The following NPFFR2 variants were observed in gnomAD, a reference collection of about 807,000 sequenced individuals.
NPFFR2 encodes the protein G-protein coupled receptor 74.
NPFFR2 carries 15 observed loss-of-function variants against 13.1 expected under a neutral mutation model. The ratio of observed to expected loss-of-function variants is 1.15; its 90% CI spans 0.77 to 1.76. NPFFR2 has a LOEUF of 1.76. NPFFR2 is among the 40% of genes most tolerant of loss of function. The pLI, the probability that NPFFR2 is intolerant of heterozygous loss-of-function variation, is 0.00. For synonymous variants in NPFFR2, 190 were observed against 175.7 expected (o/e 1.08, Z -0.65); for missense variants, 572 against 503.5 (o/e 1.14, Z -1.30).
intron 1 of NPFFR2, among the ~76,000 whole-genome samples, chr4:72,127,355 CTTTTCTTT>C (rs1722084503): frequency 1.1e-5 from 1 of 91,202 alleles, no homozygotes; most frequent in African/African-American, 4.6e-5. Context: ...TAAATAATTT[CTTTTCTTT>C]TTTTTTTTTT....
intron 1 of NPFFR2, among the ~76,000 whole-genome samples, chr4:72,080,191 G>A (rs1302606865): frequency 1.3e-5 from 2 of 151,016 alleles, no homozygotes; most frequent in African/African-American, 4.9e-5. Flanking sequence ...TTGAGATGGA[G>A]TCTTGCTCTG....
intron 1 of NPFFR2, among the ~76,000 whole-genome samples, chr4:72,043,213 GT>G (rs1719278686): frequency 6.6e-6 from 1 of 152,190 alleles, no homozygotes; most frequent in South Asian, 2.1e-4. Context: ...TTCAAAGAAT[GT>G]ATGGAAGTGC....
intron 1 of NPFFR2, among the ~76,000 whole-genome samples, chr4:72,063,711 C>G (rs1163489265): frequency 6.6e-6 from 1 of 152,154 alleles, no homozygotes; most frequent in Non-Finnish European, 1.5e-5. Context: ...AGTTTTCCAG[C>G]TGGGGCATAT....
chr4:72,080,792 C>T (rs1469154286), intron 1 of NPFFR2, among the ~76,000 whole-genome samples: 1 of 151,690 alleles, frequency 6.6e-6, no homozygotes, highest in Non-Finnish European at 1.5e-5. Flanking sequence ...CCTTTACTCT[C>T]AGAAAGATCT....
intron 1 of NPFFR2, among the ~76,000 whole-genome samples, chr4:72,067,124 C>T (rs1720095302): frequency 6.6e-6 from 1 of 152,198 alleles, no homozygotes; most frequent in Non-Finnish European, 1.5e-5. Context: ...CATGCCACCA[C>T]AGGTCAAGGA....
intron 1 of NPFFR2, among the ~76,000 whole-genome samples, chr4:72,054,309 C>A (rs983021464): frequency 6.6e-6 from 1 of 151,736 alleles, no homozygotes; most frequent in Non-Finnish European, 1.5e-5. Context: ...AACACAATCA[C>A]CAGTACAGAA....
intron 1 of NPFFR2, among the ~76,000 whole-genome samples, chr4:72,078,459 C>T (rs1720506811): frequency 6.6e-6 from 1 of 152,050 alleles, no homozygotes; most frequent in Admixed American, 6.6e-5. Context: ...AGATCTGGTG[C>T]TTTTTGAAAG....
Position 72,097,380 on chromosome 4 carries a change from A to G in NPFFR2, c.-7-31205A>G, listed in dbSNP as rs58925705. On this transcript the variant is annotated intron_variant, in intron 1 of 3. Transcript: ENST00000308744. ...TGTCTTTCTTTATTCAGGCTTTTAT[A>G]TGGCCCTTTTCTAGTTCTGTAGTGA... 0.027 allele frequency among the ~76,000 whole-genome samples: 4,053 copies of G among 152,108 alleles called. 284 individuals carry two copies. The East Asian group carries it at 0.31, about 12-fold the overall frequency.
rs377571805 is a variant in NPFFR2, at chr4:72,146,994, T to C, written c.445T>C (p.Tyr149His). 6.2e-6 allele frequency: 10 copies of C among 1,612,536 alleles called. No individual in the cohort carries two copies. In the African/African-American group the frequency reaches 1.3e-4, roughly 22 times the overall value. The change falls in exon 4 of 4, where the codon TAC becomes CAC. Residue 149 changes from tyrosine (Y) to histidine (H), a missense_variant. Physicochemically the swap from Tyr to His is moderately conservative, Grantham distance 83. Transcript: ENST00000308744. ...IAVDRFQCVVYPFKPKLTIKT... is the reference protein window; with the variant it reads ...IAVDRFQCVVHPFKPKLTIKT... ...TAATTGCAGGTTCCAGTGTGTGGTC[T>C]ACCCTTTTAAACCAAAGCTCACTAT... is the stretch of plus-strand genomic sequence containing the variant.
At chr4:72,033,965 C>T (rs1366351503) in intron 1 of NPFFR2, among the ~76,000 whole-genome samples, 2 of 151,948 alleles carry the variant, frequency 1.3e-5, no homozygotes, top group Non-Finnish European at 2.9e-5. Context: ...CATGCAAATG[C>T]CTCTGTGATA....
intron 1 of NPFFR2, among the ~76,000 whole-genome samples, chr4:72,115,342 G>C (rs963681132): frequency 6.6e-6 from 1 of 151,982 alleles, no homozygotes. Flanking sequence ...GAAAATATTT[G>C]CTTCCCTGCA....
At chr4:72,061,843 T>C (rs1425413707) in intron 1 of NPFFR2, among the ~76,000 whole-genome samples, 1 of 152,038 alleles carries the variant, frequency 6.6e-6, no homozygotes, top group Non-Finnish European at 1.5e-5. Context: ...ATGCAGAGCT[T>C]AACACCTAGA....
chr4:72,069,004 T>G (rs1284653725), intron 1 of NPFFR2: 1 of 1,323,058 alleles, frequency 7.6e-7, no homozygotes. Context: ...GAGTGAAGCA[T>G]GTAGATCAGT....
intron 1 of NPFFR2, among the ~76,000 whole-genome samples, chr4:72,099,613 C>A (rs947716604): frequency 6.6e-6 from 1 of 151,892 alleles, no homozygotes; most frequent in African/African-American, 2.4e-5. Flanking sequence ...TTGAACAGCT[C>A]GATCTCATGT....
At chr4:72,042,282 C>G (rs1719243121) in intron 1 of NPFFR2, among the ~76,000 whole-genome samples, 1 of 152,138 alleles carries the variant, frequency 6.6e-6, no homozygotes, top group Admixed American at 6.5e-5. Flanking sequence ...TTTCTGAGGC[C>G]TCCCCAGCCC....
At chr4:72,096,130 T>A (rs1055677403) in intron 1 of NPFFR2, among the ~76,000 whole-genome samples, 1 of 152,160 alleles carries the variant, frequency 6.6e-6, no homozygotes, top group Non-Finnish European at 1.5e-5. Flanking sequence ...TAACATTCCT[T>A]CCAATAATTC....
intron 1 of NPFFR2, 89 bp downstream of exon 1, chr4:72,032,289 T>C (rs1362290616): frequency 5.2e-6 from 7 of 1,355,220 alleles, no homozygotes; most frequent in Non-Finnish European, 7.0e-6. Flanking sequence ...TGACACATAT[T>C]AGCGATTGTG....
At chr4:72,069,906 C>T (rs986874654) in intron 1 of NPFFR2, among the ~76,000 whole-genome samples, 5 of 151,916 alleles carry the variant, frequency 3.3e-5, no homozygotes, top group Admixed American at 2.6e-4. Context: ...TAATAATAGC[C>T]GACATTTATA....
intron 1 of NPFFR2, among the ~76,000 whole-genome samples, chr4:72,123,059 T>G (rs930934537): frequency 1.3e-5 from 2 of 151,960 alleles, no homozygotes; most frequent in African/African-American, 2.4e-5. Context: ...CAATAAAAAA[T>G]TATAAAGGGG....
Sources: gnomAD v4.1 joint callset for allele counts (sites outside exome capture counted in the v4.1 genomes callset) on GRCh38, gnomAD v4.1.1 for gene constraint, MANE v1.5 for transcripts, NCBI Gene and HGNC (gene_info 2026-07-23, HGNC 2026-07-21) for gene names.